SP110: variants seen among roughly 807,000 people sequenced by gnomAD.
The protein encoded by SP110 is SP110 nuclear body protein.
In SP110, 62 loss-of-function variants were observed where a neutral mutation model predicts 92.7. The ratio of observed to expected loss-of-function variants is 0.67; its 90% CI spans 0.55 to 0.83. The LOEUF (loss-of-function observed/expected upper bound fraction) is 0.83, where lower values mean the gene tolerates loss of function less well. Among genes scored for constraint, SP110 ranks in the 40% least tolerant of loss-of-function variants. The pLI is 0.00. For synonymous variants in SP110, 273 were observed against 305.3 expected (o/e 0.89, Z 1.10); for missense variants, 793 against 863.9 (o/e 0.92, Z 1.03).
chr2:230,202,649 A>C lies in SP110; in HGVS notation c.978T>G (p.Thr326=), dbSNP rs145246759. Residue 326 remains threonine, a synonymous_variant, in exon 9 of 19, where the codon ACT becomes ACG. Transcript: ENST00000258381. ...DQVPQKKDDS[T]CNSTVETRAQ... is the part of the protein sequence containing the mutation. The stretch of plus-strand genomic sequence containing the variant: ...CCCTTGTCTCTACCGTGGAGTTACA[A>C]GTTGAGTCATCTTTCTTTTGAGGAA... 1.7e-4 allele frequency: 281 copies of C among 1,614,050 alleles called. 1 individual carries two copies. In the African/African-American group the frequency reaches 3.3e-3, roughly 19 times the overall value.
intron 17 of SP110, 167 bp downstream of exon 17, chr2:230,171,529 C>T: frequency 3.0e-6 from 2 of 677,498 alleles, no homozygotes. Context: ...ACCAGGTAGT[C>T]CCTCTCCAGA....
intron 10 of SP110, among the ~76,000 whole-genome samples, chr2:230,191,626 T>C (rs1485788547): frequency 1.3e-5 from 2 of 152,124 alleles, no homozygotes; most frequent in Non-Finnish European, 2.9e-5. Flanking sequence ...AGCTCTGAAA[T>C]TGAGGCAGTA....
At chr2:230,179,086 C>A (rs2042000124) in intron 12 of SP110, among the ~76,000 whole-genome samples, 1 of 152,156 alleles carries the variant, frequency 6.6e-6, no homozygotes, top group Non-Finnish European at 1.5e-5. Flanking sequence ...TCCCTTGCCT[C>A]AAACAGTTAT....
intron 14 of SP110, among the ~76,000 whole-genome samples, chr2:230,174,587 A>C (rs2041766698): frequency 6.6e-6 from 1 of 152,150 alleles, no homozygotes. Context: ...CCTCAGCCTC[A>C]CACTATATGC....
chr2:230,224,139 CTAG>C (rs968170879), upstream of SP110, among the ~76,000 whole-genome samples: 2 of 152,228 alleles, frequency 1.3e-5, no homozygotes, highest in Admixed American at 1.3e-4. Context: ...GTAGGGCTTT[CTAG>C]TAGTAGCAGC....
chr2:230,182,350 G>T (rs1442312777), intron 12 of SP110, among the ~76,000 whole-genome samples: 1 of 152,190 alleles, frequency 6.6e-6, no homozygotes, highest in African/African-American at 2.4e-5. Flanking sequence ...GCTAATGCAT[G>T]TTGGGCTTAA....
intron 5 of SP110, among the ~76,000 whole-genome samples, 188 bp downstream of exon 5, chr2:230,212,159 G>C (rs2044558214): frequency 1.3e-5 from 2 of 152,222 alleles, no homozygotes; most frequent in Non-Finnish European, 2.9e-5. Flanking sequence ...TGTCAATTCA[G>C]AATGGTGTTT....
intron 12 of SP110, among the ~76,000 whole-genome samples, chr2:230,181,603 A>G (rs2042129679): frequency 6.6e-6 from 1 of 152,206 alleles, no homozygotes; most frequent in African/African-American, 2.4e-5. Context: ...ACAAATTTAC[A>G]AGAAAAAAGC....
chr2:230,216,954 T>C (rs369618925), intron 1 of SP110, 26 bp from the exon 2 acceptor site: 2 of 1,608,984 alleles, frequency 1.2e-6, no homozygotes, highest in Non-Finnish European at 1.7e-6. Context: ...TGATAAAAAA[T>C]AGAAGCAAAG....
chr2:230,174,856 A>T (rs2041779844), intron 14 of SP110, among the ~76,000 whole-genome samples: 1 of 152,236 alleles, frequency 6.6e-6, no homozygotes, highest in African/African-American at 2.4e-5. Context: ...GCTGAGGGCA[A>T]GGCCCGCACT....
intron 7 of SP110, among the ~76,000 whole-genome samples, chr2:230,208,763 C>T (rs1319262892): frequency 6.6e-6 from 1 of 152,216 alleles, no homozygotes; most frequent in Non-Finnish European, 1.5e-5. Flanking sequence ...GTGGAACTCT[C>T]TCCAGCACTG....
At chr2:230,220,552 G>T (rs1347010327), upstream of SP110, among the ~76,000 whole-genome samples, 1 of 152,170 alleles carries the variant, frequency 6.6e-6, no homozygotes, top group East Asian at 1.9e-4. Context: ...CAGAAAAATG[G>T]CTGAGAGCTG....
At chr2:230,180,230 C>A (rs1232989721) in intron 12 of SP110, among the ~76,000 whole-genome samples, 2 of 152,082 alleles carry the variant, frequency 1.3e-5, no homozygotes, top group African/African-American at 4.8e-5. Flanking sequence ...GTGGAGAAAA[C>A]TAAGAAGAAA....
Position 230,182,563 on chromosome 2 carries a change from T to G in SP110, c.1348+1009A>C, listed in dbSNP as rs11892552. On this transcript the variant is annotated intron_variant, in intron 12 of 18. Coordinates refer to ENST00000258381, the MANE Select transcript of SP110 (RefSeq NM_080424.4). ...TTGGGTGGGTGAGCTGGGAGGCCCA[T>G]GTGAGGAGGCCCTGAGCAGGAACGA... Among the ~76,000 whole-genome samples, 955 of 152,090 alleles carry G rather than the reference T, an allele frequency of 6.3e-3. 9 individuals carry two copies. Among genetic ancestry groups the G allele is most frequent in the African/African-American group, 0.022 (914 of 41,448 alleles).
In SP110 at chr2:230,185,884, C is replaced by T. The variant is rs548788149; in HGVS notation, c.1279+110G>A. 94 of 940,526 alleles carry T rather than the reference C, an allele frequency of 1.0e-4. No homozygotes were observed. The South Asian group carries it at 1.0e-3, about 10-fold the overall frequency. The allele number at this position is 940,526 out of a possible 1,614,324, so 58.3% of individuals were successfully genotyped here. A position where few individuals can be genotyped will look rare whatever the true frequency, so the allele number is the denominator to read the frequency against. On this transcript the variant is annotated intron_variant, in intron 11 of 18. Transcript: ENST00000258381. ...TGTCTTCATGTCCCTCTTTTCTGTA[C>T]GTCTCCCTCCTTCTACTATTGACTT... is the stretch of plus-strand genomic sequence containing the variant.
At chr2:230,170,227 G>A (rs1173263493) in intron 18 of SP110, among the ~76,000 whole-genome samples, 1 of 147,568 alleles carries the variant, frequency 6.8e-6, no homozygotes, top group Non-Finnish European at 1.5e-5. Context: ...TGATTATCCA[G>A]GAAGTTTAAT....
intron 10 of SP110, among the ~76,000 whole-genome samples, chr2:230,193,108 C>G (rs1354480859): frequency 6.6e-6 from 1 of 152,014 alleles, no homozygotes; most frequent in Middle Eastern, 3.2e-3. Flanking sequence ...ATATAATGAC[C>G]TTCTTTGCCT....
intron 10 of SP110, among the ~76,000 whole-genome samples, chr2:230,192,658 A>G (rs2042690211): frequency 6.6e-6 from 1 of 152,236 alleles, no homozygotes; most frequent in Non-Finnish European, 1.5e-5. Flanking sequence ...AAAACATTCC[A>G]TCTTCATGGA....
intron 10 of SP110, among the ~76,000 whole-genome samples, chr2:230,197,991 A>G (rs2042956958): frequency 6.6e-6 from 1 of 152,214 alleles, no homozygotes; most frequent in Non-Finnish European, 1.5e-5. Context: ...TATTAGGAAT[A>G]TTGTATCACA....
Sources: gnomAD v4.1 joint callset for allele counts (sites outside exome capture counted in the v4.1 genomes callset) on GRCh38, gnomAD v4.1.1 for gene constraint, MANE v1.5 for transcripts, NCBI Gene and HGNC (gene_info 2026-07-23, HGNC 2026-07-21) for gene names.